The following NXF1 variants were observed in gnomAD, a reference collection of about 807,000 sequenced individuals.
NXF1 encodes the protein mRNA export factor TAP.
A neutral mutation model predicts 92.4 loss-of-function variants in NXF1; 43 were observed. The observed-to-expected ratio is 0.47, with a 90% CI of 0.36 to 0.60. The LOEUF (loss-of-function observed/expected upper bound fraction) is 0.60, where lower values mean the gene tolerates loss of function less well. Ranked by LOEUF, NXF1 falls within the 20% of genes least tolerant of loss-of-function variation. NXF1 has a pLI of 0.00. For missense variants in NXF1, 576 were observed against 793.0 expected (o/e 0.73, Z 3.29); for synonymous variants, 288 against 292.2 (o/e 0.99, Z 0.15).
At position 62,800,334 on chromosome 11, in the gene NXF1, G is replaced by C. The variant is rs200588581; in HGVS notation, c.1016+43C>G. On this transcript the variant is annotated intron_variant, in intron 10 of 20. Transcript: ENST00000294172. ...AGGATGCATTAGCTCAGCCTCCCAG[G>C]GGGTGAAGGTCCCCAGGAGGGGAGA... 102 of 1,613,578 alleles carry C rather than the reference G, an allele frequency of 6.3e-5. No individual in the cohort carries two copies. In the East Asian group the frequency reaches 1.4e-3, roughly 23 times the overall value.
intron 2 of NXF1, 36 bp downstream of exon 2, chr11:62,803,756 G>A (rs372818885): frequency 6.3e-7 from 1 of 1,598,730 alleles, no homozygotes; most frequent in Non-Finnish European, 8.6e-7. Context: ...AATCTCATGA[G>A]CCACTAAATT....
rs891877381 is a variant in NXF1 at position 62,803,970 on chromosome 11, C to G, written c.37G>C (p.Asp13His). 3.1e-6 allele frequency: 5 copies of G among 1,613,378 alleles called. No individual in the cohort carries two copies. In the African/African-American group the frequency reaches 6.7e-5, roughly 22 times the overall value. ...DEGKSYSEHD[D>H]ERVNFPQRKK... Reference sequence around the variant, plus strand: ...CTTTGAGGGAAATTAACGCGTTCATCATCGTGTTCTAGAGTTAGAAACAGG... The same window carrying G: ...CTTTGAGGGAAATTAACGCGTTCATGATCGTGTTCTAGAGTTAGAAACAGG... The change falls in exon 2 of 21, where the codon GAT (aspartate) becomes CAT (histidine). Residue 13 changes from aspartate (D) to histidine (H), a missense_variant. This residue lies in a region of NXF1 where 151 missense variants were observed against 157.8 expected (regional missense o/e 0.96). Transcript: ENST00000294172.
intron 1 of NXF1, 89 bp downstream of exon 1, chr11:62,805,240 G>C: frequency 7.6e-7 from 1 of 1,321,304 alleles, no homozygotes; most frequent in Non-Finnish European, 9.9e-7. Context: ...GGCCCCTAGC[G>C]GCCTCACGCC....
rs749462262 is a variant in NXF1, at chr11:62,792,447, G to C, written c.*29C>G. On this transcript the variant is annotated 3_prime_UTR_variant, in exon 21 of 21. Coordinates refer to ENST00000294172, the MANE Select transcript of NXF1 (RefSeq NM_006362.5). ...GGTAATATCCAAGGACTATTTACAG[G>C]GGGGACTGCTTCTGAGGCATGACTA... 7 of 1,613,668 alleles carry C rather than the reference G, an allele frequency of 4.3e-6. No homozygotes were observed. The highest frequency in any genetic ancestry group is 1.3e-5 in the African/African-American group (1 of 74,906).
At chr11:62,800,596 A>T (rs943064350) in intron 9 of NXF1, 110 bp from the exon 10 acceptor site, 10 of 690,448 alleles carry the variant, frequency 1.4e-5, no homozygotes, top group Non-Finnish European at 2.1e-5. Context: ...TAATCTTTTA[A>T]AATTTTTTCT....
At position 62,796,352 on chromosome 11, in the gene NXF1, G is replaced by C. The variant is rs770405176; in HGVS notation, c.1287-7C>G. 6.2e-7 allele frequency: 1 copy of C among 1,613,994 alleles called. No individual in the cohort carries two copies. The highest frequency in any genetic ancestry group is 8.5e-7 in the Non-Finnish European group (1 of 1,180,036). ...ATACTCGGCTAAGCTGCTTCTGGGG[G>C]AATAAAAGGAATGGACGTGGTGTTC... On this transcript the variant is annotated splice_polypyrimidine_tract_variant and splice_region_variant and intron_variant, in intron 14 of 20. Transcript: ENST00000294172.
rs112043892 is a variant in NXF1 at position 62,792,455 on chromosome 11, G to C, written c.*21C>G. 1 of 1,614,018 alleles carries C rather than the reference G, an allele frequency of 6.2e-7. No homozygotes were observed. The highest frequency in any genetic ancestry group is 8.5e-7 in the Non-Finnish European group (1 of 1,179,886). On this transcript the variant is annotated 3_prime_UTR_variant, in exon 21 of 21. Transcript: ENST00000294172. ...CCAAGGACTATTTACAGGGGGGACT[G>C]CTTCTGAGGCATGACTACGATCACT...
At chr11:62,800,545 C>T in intron 9 of NXF1, 59 bp from the exon 10 acceptor site, 4 of 1,121,410 alleles carry the variant, frequency 3.6e-6, no homozygotes, top group Admixed American at 1.9e-5. Flanking sequence ...CAGCTGGCTC[C>T]CCATACCCCC....
chr11:62,800,791 A>T (rs950016938), intron 9 of NXF1, among the ~76,000 whole-genome samples: 9 of 151,824 alleles, frequency 5.9e-5, no homozygotes, highest in African/African-American at 7.3e-5. Context: ...AATTAAAAAA[A>T]TTTTTTTGAG....
In NXF1 at chr11:62,803,807, C is replaced by A; in HGVS notation, c.200G>T (p.Gly67Val). 1 of 1,613,828 alleles carries A rather than the reference C, an allele frequency of 6.2e-7. No homozygotes were observed. Among genetic ancestry groups the A allele is most frequent in the Non-Finnish European group, 8.5e-7 (1 of 1,179,896 alleles). Residue 67 changes from glycine (G) to valine (V), a missense_variant, in exon 2 of 21, where the codon GGT becomes GTT. Transcript: ENST00000294172. ...GDVAMSDAQD[G>V]PRVRYNPYTT... ...GGTCACTCACTATCGTACTCGGGGACCATCCTGGGCATCACTCATTGCCAC... is the reference window on the plus strand; with the variant it reads ...GGTCACTCACTATCGTACTCGGGGAACATCCTGGGCATCACTCATTGCCAC...
chr11:62,803,847 C>T lies in NXF1; in HGVS notation c.160G>A (p.Glu54Lys). The T allele has an allele frequency of 6.2e-7, 1 of 1,614,228 alleles. No homozygotes were observed. Reference protein sequence around the residue: ...GSGIRSSRLEEDDGDVAMSDA... With the variant: ...GSGIRSSRLEKDDGDVAMSDA... The stretch of plus-strand genomic sequence containing the variant: ...CTCATTGCCACATCTCCATCATCTT[C>T]CTCAAGGCGGGAAGACCGAATACCA... The change falls in exon 2 of 21, where the codon GAA becomes AAA. Residue 54 changes from glutamate (E) to lysine (K), a missense_variant. By Grantham distance (56) the Glu-to-Lys change is moderately conservative (BLOSUM62 1). Coordinates refer to ENST00000294172, the MANE Select transcript of NXF1 (RefSeq NM_006362.5).
chr11:62,805,200 C>A (rs971632357), intron 1 of NXF1, 129 bp downstream of exon 1: 3 of 800,544 alleles, frequency 3.7e-6, no homozygotes, highest in African/African-American at 1.8e-5. Flanking sequence ...GAGTGCCCGG[C>A]CCCCCGCGCG....
At position 62,797,222 on chromosome 11, in the gene NXF1, G is replaced by A. The variant is rs1565198832; in HGVS notation, c.1139C>T (p.Thr380Ile). 3 of 1,614,200 alleles carry A rather than the reference G, an allele frequency of 1.9e-6. No individual in the cohort carries two copies. Among genetic ancestry groups the A allele is most frequent in the East Asian group, 2.2e-5 (1 of 44,892 alleles). Reference sequence around the variant, plus strand: ...CAAGACCAGACTCTTCAAGTTTTCTGTTCCAAAATAGCTTCCCTGAAATCA... The same window carrying A: ...CAAGACCAGACTCTTCAAGTTTTCTATTCCAAAATAGCTTCCCTGAAATCA... ...LPPCKGSYFG[T>I]ENLKSLVLHF... Residue 380 changes from threonine (T) to isoleucine (I), a missense_variant, in exon 13 of 21, where the codon ACA becomes ATA. Transcript: ENST00000294172.
At chr11:62,798,786 TTC>T in intron 10 of NXF1, 1 of 1,378,960 alleles carries the variant, frequency 7.3e-7, no homozygotes, top group South Asian at 1.7e-5. Context: ...GCTGTCTCTT[TTC>T]TCTCTGCCTG....
intron 10 of NXF1, chr11:62,799,016 G>A: frequency 2.0e-6 from 2 of 1,002,482 alleles, no homozygotes; most frequent in East Asian, 1.0e-4. Context: ...GATGGCACAG[G>A]ATGTTGGGGC....
chr11:62,804,333 C>T (rs913977342), intron 1 of NXF1: 2 of 577,646 alleles, frequency 3.5e-6, no homozygotes, highest in Non-Finnish European at 5.2e-6. Flanking sequence ...AGTGCAGACG[C>T]CAGTTACAAA....
Position 62,796,333 on chromosome 11 carries a change from G to A in NXF1, c.1299C>T (p.Ala433=), listed in dbSNP as rs144470477. ...IPQNPARSSL[A]EYFKDSRNVK... ...CATTTCTGCTATCCTTGAAATACTC[G>A]GCTAAGCTGCTTCTGGGGGAATAAA... Residue 433 remains alanine (A), a synonymous_variant, in exon 15 of 21, where the codon GCC becomes GCT. Coordinates refer to ENST00000294172, the MANE Select transcript of NXF1 (RefSeq NM_006362.5). The A allele has an allele frequency of 2.8e-4, 447 of 1,614,048 alleles. 6 individuals carry two copies. In the South Asian group the frequency reaches 4.2e-3, roughly 15 times the overall value.
intron 10 of NXF1, 187 bp from the exon 11 acceptor site, chr11:62,798,762 G>C: frequency 2.1e-6 from 3 of 1,414,612 alleles, no homozygotes; most frequent in Non-Finnish European, 2.8e-6. Context: ...ACCCAGACAT[G>C]GACTGCCTTG....
intron 1 of NXF1, among the ~76,000 whole-genome samples, chr11:62,804,686 C>G (rs943596186): frequency 6.6e-6 from 1 of 152,214 alleles, no homozygotes; most frequent in African/African-American, 2.4e-5. Context: ...AGCTAACATT[C>G]ACTGAGAACT....
Sources: allele counts gnomAD v4.1 joint callset (sites outside exome capture counted in the v4.1 genomes callset), GRCh38; gene constraint gnomAD v4.1.1; regional missense constraint gnomAD v4.1.1; transcripts MANE v1.5; gene names NCBI Gene and HGNC (gene_info 2026-07-23, HGNC 2026-07-21).